Variants in PTPRE observed in about 807,000 individuals in gnomAD.
The protein encoded by PTPRE is protein tyrosine phosphatase receptor type E.
PTPRE carries 51 observed loss-of-function variants against 102.0 expected under a neutral mutation model. That is an observed-to-expected ratio of 0.50 (90% CI 0.40 to 0.63). The LOEUF is 0.63. Ranked by LOEUF, PTPRE falls within the 30% of genes least tolerant of loss-of-function variation. The pLI is 0.00. For missense variants in PTPRE, 752 were observed against 915.1 expected, an observed-to-expected ratio of 0.82 and a Z score of 2.30; for synonymous variants, 345 against 348.2, an observed-to-expected ratio of 0.99 and a Z score of 0.10.
At position 128,047,468 on chromosome 10, in the gene PTPRE, T is replaced by C; in HGVS notation, c.188T>C (p.Leu63Pro). The change falls in exon 4 of 21, where the codon CTT becomes CCT. Residue 63 changes from leucine to proline, a missense_variant. By Grantham distance (98) the Leu-to-Pro change is moderately conservative (BLOSUM62 -3). This residue lies in a region of PTPRE where 116 missense variants were observed against 90.8 expected (regional missense o/e 1.28). Coordinates refer to ENST00000254667, the MANE Select transcript of PTPRE (RefSeq NM_006504.6). ...CTGCTGCTCCTCCTCCTCGTGCTCC[T>C]TCTCGCCGCCTACTTCTTCAGGTAG... is the stretch of plus-strand genomic sequence containing the variant. ...LPLLLLLLVL[L>P]LAAYFFRFRK... 1 of 1,613,434 alleles carries C rather than the reference T, an allele frequency of 6.2e-7. No individual in the cohort carries two copies. The highest frequency in any genetic ancestry group is 8.5e-7 in the Non-Finnish European group (1 of 1,180,026).
intron 2 of PTPRE, among the ~76,000 whole-genome samples, chr10:128,010,749 G>T (rs111992915): frequency 0.18 from 27,561 of 151,818 alleles, 2,979 homozygotes; most frequent in Non-Finnish European, 0.23. Context: ...CCGCGGACAC[G>T]CCCGGCTAAT....
rs1344357006 is a variant in PTPRE, at chr10:128,084,586, A to G, written c.*1680A>G. ...CTCACCAGCTGCATGCCTGGGCTGCACACTGCTGAACGTGCTCCTCTCTCC... is the reference window on the plus strand; with the variant it reads ...CTCACCAGCTGCATGCCTGGGCTGCGCACTGCTGAACGTGCTCCTCTCTCC... On this transcript the variant is annotated 3_prime_UTR_variant, in exon 21 of 21. Transcript: ENST00000254667. 1 of 152,386 alleles carries G rather than the reference A, an allele frequency of 6.6e-6. No individual in the cohort carries two copies. Among genetic ancestry groups the G allele is most frequent in the Non-Finnish European group, 1.5e-5 (1 of 68,146 alleles). The allele number at this position is 152,386 out of a possible 1,614,324, so 9.4% of individuals were successfully genotyped here.
intron 2 of PTPRE, among the ~76,000 whole-genome samples, chr10:128,034,966 T>G (rs931719706): frequency 1.2e-4 from 18 of 152,156 alleles, no homozygotes; most frequent in Admixed American, 1.0e-3. Context: ...ACAAAAAGGT[T>G]TTTTTCTTTT....
intron 20 of PTPRE, among the ~76,000 whole-genome samples, chr10:128,081,299 G>T (rs997584508): frequency 5.3e-5 from 8 of 152,198 alleles, no homozygotes; most frequent in African/African-American, 1.9e-4. Flanking sequence ...AGCATCCTAG[G>T]TAGGCTTTGG....
At chr10:128,035,038 C>T (rs1225426197) in intron 2 of PTPRE, among the ~76,000 whole-genome samples, 1 of 152,076 alleles carries the variant, frequency 6.6e-6, no homozygotes, top group Non-Finnish European at 1.5e-5. Flanking sequence ...GGCTGGAGTG[C>T]AGTGGCATGA....
chr10:127,987,349 C>A (rs1852177397), intron 2 of PTPRE: 2 of 1,282,518 alleles, frequency 1.6e-6, no homozygotes, highest in Middle Eastern at 2.1e-4. Context: ...AACATGGATT[C>A]TCCAAGGCCA....
intron 13 of PTPRE, 161 bp downstream of exon 13, chr10:128,069,988 C>A: frequency 5.8e-6 from 6 of 1,028,806 alleles, no homozygotes; most frequent in Middle Eastern, 2.2e-4. Flanking sequence ...ACGCGTGGGA[C>A]CTCAGGGACT....
At chr10:127,959,130 A>G (rs899160557) in intron 1 of PTPRE, among the ~76,000 whole-genome samples, 4 of 152,186 alleles carry the variant, frequency 2.6e-5, no homozygotes, top group Admixed American at 6.5e-5. Context: ...TCCCAACCTC[A>G]AGTGATCCGC....
At chr10:127,916,860 C>T (rs921533050) in intron 1 of PTPRE, among the ~76,000 whole-genome samples, 4 of 152,110 alleles carry the variant, frequency 2.6e-5, no homozygotes, top group South Asian at 4.1e-4. Context: ...TCCAGAAAAA[C>T]GCATGTGTGC....
At chr10:127,912,984 C>T (rs2135137376) in intron 1 of PTPRE, among the ~76,000 whole-genome samples, 1 of 152,356 alleles carries the variant, frequency 6.6e-6, no homozygotes. Flanking sequence ...GGTGACACAG[C>T]CTGGGGCTCA....
chr10:128,068,417 A>C, intron 12 of PTPRE, 131 bp downstream of exon 12: 1 of 1,048,356 alleles, frequency 9.5e-7, no homozygotes, highest in Non-Finnish European at 1.3e-6. Flanking sequence ...GTGAACACAA[A>C]TGTCAGTGAC....
chr10:128,039,079 A>T (rs186225003), intron 2 of PTPRE, among the ~76,000 whole-genome samples: 2 of 152,238 alleles, frequency 1.3e-5, no homozygotes, highest in African/African-American at 4.8e-5. Flanking sequence ...GGAATTCTGC[A>T]TCTCTGGAAT....
At chr10:128,053,441 C>G (rs1848700422) in intron 6 of PTPRE, among the ~76,000 whole-genome samples, 1 of 152,224 alleles carries the variant, frequency 6.6e-6, no homozygotes, top group African/African-American at 2.4e-5. Context: ...TCCAGGTGCT[C>G]TCCTTTCCCC....
At chr10:127,961,582 A>G (rs1849815570) in intron 1 of PTPRE, among the ~76,000 whole-genome samples, 1 of 152,072 alleles carries the variant, frequency 6.6e-6, no homozygotes, top group Non-Finnish European at 1.5e-5. Flanking sequence ...ACTTCTTCAC[A>G]AGGGTGGGCC....
At chr10:127,926,318 T>C (rs1847008631) in intron 1 of PTPRE, among the ~76,000 whole-genome samples, 2 of 152,250 alleles carry the variant, frequency 1.3e-5, no homozygotes, top group Admixed American at 1.3e-4. Context: ...TTAAAGAGCA[T>C]GTATGATTTC....
intron 1 of PTPRE, among the ~76,000 whole-genome samples, chr10:127,923,058 G>T (rs1471650117): frequency 6.6e-6 from 1 of 152,242 alleles, no homozygotes; most frequent in Non-Finnish European, 1.5e-5. Flanking sequence ...GCGTCTGGCG[G>T]CATTCCCAGC....
rs563291092 is a variant in PTPRE, at chr10:128,018,835, A to C, written c.-7-22040A>C. Reference sequence around the variant, plus strand: ...AACCCTCCAAGCCACTCCAGTCCCCATCTCTCACACTCTCTGCATCTCTGT... The same window carrying C: ...AACCCTCCAAGCCACTCCAGTCCCCCTCTCTCACACTCTCTGCATCTCTGT... On this transcript the variant is annotated intron_variant, in intron 2 of 20. Coordinates refer to ENST00000254667, the MANE Select transcript of PTPRE (RefSeq NM_006504.6). 3.3e-5 allele frequency among the ~76,000 whole-genome samples: 5 copies of C among 151,978 alleles called. No individual in the cohort carries two copies. In the East Asian group the frequency reaches 7.8e-4, roughly 24 times the overall value.
chr10:127,969,682 A>AGGGGGGG (rs67085073), intron 1 of PTPRE, among the ~76,000 whole-genome samples: 1 of 139,122 alleles, frequency 7.2e-6, no homozygotes, highest in African/African-American at 2.7e-5. Flanking sequence ...AAAAAAAAAA[A>AGGGGGGG]GGGGGGCGGG....
intron 1 of PTPRE, among the ~76,000 whole-genome samples, chr10:127,954,335 G>T (rs1342028266): frequency 1.3e-5 from 2 of 152,202 alleles, no homozygotes; most frequent in African/African-American, 2.4e-5. Flanking sequence ...GGGGTGATCT[G>T]CCAGCCTCCT....
Sources: gnomAD v4.1 joint callset for allele counts (sites outside exome capture counted in the v4.1 genomes callset) on GRCh38, gnomAD v4.1.1 for gene constraint, gnomAD v4.1.1 regional missense constraint, MANE v1.5 for transcripts, NCBI Gene and HGNC (gene_info 2026-07-23, HGNC 2026-07-21) for gene names.